Variants in WDFY3 observed in about 807,000 individuals in gnomAD.
WDFY3 encodes WD repeat and FYVE domain containing 3, also known as WD repeat and FYVE domain-containing protein 3.
In WDFY3, 66 loss-of-function variants were observed where a neutral mutation model predicts 409.6. The observed-to-expected ratio is 0.16, with a 90% CI of 0.13 to 0.20. The LOEUF (loss-of-function observed/expected upper bound fraction) is 0.20, where lower values mean the gene tolerates loss of function less well. Ranked by LOEUF, WDFY3 falls within the 10% of genes least tolerant of loss-of-function variation. WDFY3 has a pLI of 1.00. For missense variants in WDFY3, 3,031 were observed against 4,298.1 expected (o/e 0.71, Z 8.24); for synonymous variants, 1,521 against 1,537.1 (o/e 0.99, Z 0.25).
intron 25 of WDFY3, among the ~76,000 whole-genome samples, 172 bp downstream of exon 25, chr4:84,782,791 T>G (rs1746793600): frequency 6.6e-6 from 1 of 152,184 alleles, no homozygotes; most frequent in South Asian, 2.1e-4. Flanking sequence ...GGTTATTATT[T>G]TAAATTGACT....
chr4:84,945,889 CAG>C (rs1213159223), intron 1 of WDFY3, among the ~76,000 whole-genome samples: 2 of 152,084 alleles, frequency 1.3e-5, no homozygotes, highest in Non-Finnish European at 1.5e-5. Context: ...CAATTGAAAG[CAG>C]AGTTTTATTT....
chr4:84,932,491 A>G (rs1419235762), intron 1 of WDFY3, 128 bp from the exon 2 acceptor site: 1 of 152,172 alleles, frequency 6.6e-6, no homozygotes, highest in Non-Finnish European at 1.5e-5. Flanking sequence ...AACATATAGC[A>G]CTTTATTTAA....
chr4:84,756,510 G>A (rs1333103432), intron 33 of WDFY3, among the ~76,000 whole-genome samples: 3 of 151,530 alleles, frequency 2.0e-5, no homozygotes, highest in Admixed American at 6.6e-5. Flanking sequence ...GCTTGAACCC[G>A]GGAGGTGGAA....
intron 33 of WDFY3, 70 bp from the exon 34 acceptor site, chr4:84,755,470 T>C (rs1042911551): frequency 6.2e-5 from 94 of 1,525,156 alleles, no homozygotes; most frequent in Non-Finnish European, 7.8e-5. Flanking sequence ...TAAGTTCTAA[T>C]AGGCTAAAAT....
At chr4:84,833,683 AAAGAAAAGAG>A (rs1379210026) in intron 7 of WDFY3, among the ~76,000 whole-genome samples, 2 of 137,764 alleles carry the variant, frequency 1.5e-5, no homozygotes, top group Admixed American at 7.1e-5. Context: ...AAAGAAAAGA[AAAGAAAAGAG>A]AAGAGAAGAG....
intron 50 of WDFY3, among the ~76,000 whole-genome samples, chr4:84,714,640 A>C (rs530311931): frequency 1.3e-5 from 2 of 152,172 alleles, no homozygotes; most frequent in Non-Finnish European, 2.9e-5. Flanking sequence ...AAGAAAGCTT[A>C]TTTTGAAACT....
At chr4:84,735,250 C>CA in intron 42 of WDFY3, 130 bp from the exon 43 acceptor site, 2 of 776,396 alleles carry the variant, frequency 2.6e-6, no homozygotes, top group Non-Finnish European at 4.1e-6. Flanking sequence ...AAAACTAAAA[C>CA]AAAAAATTCA....
intron 3 of WDFY3, among the ~76,000 whole-genome samples, chr4:84,888,093 C>T (rs1265429070): frequency 6.6e-6 from 1 of 152,156 alleles, no homozygotes; most frequent in South Asian, 2.1e-4. Context: ...ATACATGTAA[C>T]TACATTTTCT....
rs1010036078 is a variant in WDFY3, at chr4:84,710,902, G to C, written c.8043-1555C>G. ...TTAACAACAACACATATGATTAGGA[G>C]CAGAACATGTTTCTGGGGTTAAAAA... On this transcript the variant is annotated intron_variant, in intron 51 of 67. Coordinates refer to ENST00000295888, the MANE Select transcript of WDFY3 (RefSeq NM_014991.6). Among the ~76,000 whole-genome samples, 5 of 152,246 alleles carry C rather than the reference G, an allele frequency of 3.3e-5. 1 individual carries two copies. The highest frequency in any genetic ancestry group is 3.3e-4 in the Admixed American group (5 of 15,288).
chr4:84,772,182 G>A (rs1383303356), intron 30 of WDFY3, among the ~76,000 whole-genome samples: 1 of 152,076 alleles, frequency 6.6e-6, no homozygotes, highest in Non-Finnish European at 1.5e-5. Context: ...AAGATTCTGA[G>A]AATTTAATTC....
intron 1 of WDFY3, among the ~76,000 whole-genome samples, chr4:84,950,416 A>T (rs974600401): frequency 2.2e-4 from 26 of 120,618 alleles, no homozygotes; most frequent in Non-Finnish European, 1.3e-4. Flanking sequence ...AAAGTTTAAT[A>T]AAAAAAAAAA....
chr4:84,907,002 T>A (rs2150696403), intron 2 of WDFY3, among the ~76,000 whole-genome samples: 1 of 152,294 alleles, frequency 6.6e-6, no homozygotes, highest in South Asian at 2.1e-4. Flanking sequence ...TTTTGCAACA[T>A]CTTTTCCCAA....
At chr4:84,954,654 T>C (rs564989477) in intron 1 of WDFY3, among the ~76,000 whole-genome samples, 1 of 152,374 alleles carries the variant, frequency 6.6e-6, no homozygotes, top group African/African-American at 2.4e-5. Context: ...CTGACATGTT[T>C]ACTGTCTATT....
At chr4:84,744,220 C>T (rs563359154) in intron 36 of WDFY3, among the ~76,000 whole-genome samples, 9 of 150,750 alleles carry the variant, frequency 6.0e-5, no homozygotes, top group African/African-American at 2.2e-4. Flanking sequence ...CACCTCACTT[C>T]CAAAAGAGAT....
Position 84,682,614 on chromosome 4 carries a change from A to G in WDFY3, c.9727-144T>C, listed in dbSNP as rs1727565593. On this transcript the variant is annotated intron_variant, in intron 63 of 67. Coordinates refer to ENST00000295888, the MANE Select transcript of WDFY3 (RefSeq NM_014991.6). ...TACAGTTAGATTTCCCGTATCTTGG[A>G]AGATGTGGCAGCGGGCTGCCTGCAC... 8 of 690,482 alleles carry G rather than the reference A, an allele frequency of 1.2e-5. No homozygotes were observed. The South Asian group carries it at 1.5e-4, about 13-fold the overall frequency. The allele number at this position is 690,482 out of a possible 1,614,324, so 42.8% of individuals were successfully genotyped here.
rs893829536 is a variant in WDFY3 at position 84,778,643 on chromosome 4, A to G, written c.4378T>C (p.Leu1460=). 1.9e-6 allele frequency: 3 copies of G among 1,605,094 alleles called. No individual in the cohort carries two copies. Among genetic ancestry groups the G allele is most frequent in the Non-Finnish European group, 2.5e-6 (3 of 1,177,728 alleles). Residue 1460 remains leucine (L), a synonymous_variant, in exon 27 of 68, where the codon TTG becomes CTG. Coordinates refer to ENST00000295888, the MANE Select transcript of WDFY3 (RefSeq NM_014991.6). ...AGAAGGGAACGTTTCTTCTTAAGCA[A>G]CATTGCCAGCAACTACAAGAAAGTA... is the stretch of plus-strand genomic sequence containing the variant. ...RIKGYQLLAM[L]LKKKRSLLNS...
At chr4:84,791,462 A>T (rs1465044831) in intron 21 of WDFY3, among the ~76,000 whole-genome samples, 1 of 152,192 alleles carries the variant, frequency 6.6e-6, no homozygotes, top group Non-Finnish European at 1.5e-5. Context: ...GAGGAAAAAA[A>T]GCTTGAGATT....
chr4:84,679,196 C>G lies in WDFY3; in HGVS notation c.9870G>C (p.Glu3290Asp), dbSNP rs1726892324. 3 of 1,596,746 alleles carry G rather than the reference C, an allele frequency of 1.9e-6. No homozygotes were observed. The African/African-American group carries it at 4.0e-5, about 21-fold the overall frequency. ...DEDSSDSEAD[E>D]QSISQDPKDT... Reference sequence around the variant, plus strand: ...CCTTAGGGTCCTGGCTGATGCTCTGCTCATCTGCTTCTGAATCACTGCTGT... The same window carrying G: ...CCTTAGGGTCCTGGCTGATGCTCTGGTCATCTGCTTCTGAATCACTGCTGT... The change falls in exon 65 of 68, where the codon GAG (glutamate) becomes GAC (aspartate). Residue 3290 changes from glutamate (E) to aspartate (D), a missense_variant. Transcript: ENST00000295888.
intron 1 of WDFY3, among the ~76,000 whole-genome samples, chr4:84,956,472 G>T (rs1210200667): frequency 6.6e-6 from 1 of 152,150 alleles, no homozygotes; most frequent in African/African-American, 2.4e-5. Flanking sequence ...TAATTTCTGG[G>T]CCTCTGAAGT....
Sources: allele counts gnomAD v4.1 joint callset (sites outside exome capture counted in the v4.1 genomes callset), GRCh38; gene constraint gnomAD v4.1.1; transcripts MANE v1.5; gene names NCBI Gene and HGNC (gene_info 2026-07-23, HGNC 2026-07-21).